Variants in TBC1D16 observed in about 807,000 individuals in gnomAD.
TBC1D16 encodes the protein TBC1 domain family member 16.
A neutral mutation model predicts 74.7 loss-of-function variants in TBC1D16; 58 were observed. The observed-to-expected ratio is 0.78, with a 90% CI of 0.63 to 0.97. The LOEUF is 0.97. TBC1D16 is among the 50% of genes least tolerant of loss of function. TBC1D16 has a pLI of 0.00. For missense variants in TBC1D16, 1,014 were observed against 1,079.5 expected, an observed-to-expected ratio of 0.94 and a Z score of 0.85; for synonymous variants, 493 against 474.7, an observed-to-expected ratio of 1.04 and a Z score of -0.50.
chr17:80,017,642 T>C (rs111440321), intron 1 of TBC1D16, among the ~76,000 whole-genome samples: 13,296 of 140,442 alleles, frequency 0.095, 617 homozygotes, highest in African/African-American at 0.11. Context: ...GATCGCTCCA[T>C]TGCACTCCAG....
At chr17:80,006,847 G>A (rs2144638884) in intron 3 of TBC1D16, among the ~76,000 whole-genome samples, 1 of 152,184 alleles carries the variant, frequency 6.6e-6, no homozygotes, top group African/African-American at 2.4e-5. Context: ...TTTTTATAGA[G>A]ATGAGGTTTT....
At chr17:79,970,555 C>G (rs752573302) in intron 3 of TBC1D16, among the ~76,000 whole-genome samples, 102 of 152,302 alleles carry the variant, frequency 6.7e-4, no homozygotes, top group Non-Finnish European at 1.1e-3. Flanking sequence ...CTGGGTGTCC[C>G]CCACCCTCTC....
chr17:79,978,976 T>C (rs1337552656), intron 3 of TBC1D16, among the ~76,000 whole-genome samples: 1 of 152,246 alleles, frequency 6.6e-6, no homozygotes, highest in Non-Finnish European at 1.5e-5. Flanking sequence ...GAAATACACA[T>C]TACTGGGAAG....
chr17:79,986,815 C>T lies in TBC1D16; in HGVS notation c.779+23345G>A, dbSNP rs139642321. ...GAGATGACACCTCCGATCAGGTCCACGGGAAGATGGGGGTGAACGAGAAGC... is the reference window on the plus strand; with the variant it reads ...GAGATGACACCTCCGATCAGGTCCATGGGAAGATGGGGGTGAACGAGAAGC... On this transcript the variant is annotated intron_variant, in intron 3 of 11. Coordinates refer to ENST00000310924, the MANE Select transcript of TBC1D16 (RefSeq NM_019020.4). The surrounding 1 kb of genome is among the most constrained non-coding windows in gnomAD (Gnocchi z 6.0). 3.3e-3 allele frequency among the ~76,000 whole-genome samples: 504 copies of T among 152,290 alleles called. 5 individuals are homozygous for T. The highest frequency in any genetic ancestry group is 0.012 in the African/African-American group (484 of 41,580).
intron 10 of TBC1D16, among the ~76,000 whole-genome samples, chr17:79,942,850 A>T (rs2032146651): frequency 6.6e-6 from 1 of 152,226 alleles, no homozygotes; most frequent in Non-Finnish European, 1.5e-5. Context: ...CTTTTCGGGC[A>T]TACTTTGAGG....
At chr17:79,947,148 CG>C (rs1195024450) in intron 9 of TBC1D16, among the ~76,000 whole-genome samples, 1 of 152,090 alleles carries the variant, frequency 6.6e-6, no homozygotes, top group African/African-American at 2.4e-5. Context: ...GAGGCCTTGA[CG>C]GGAGAGGTGT....
intron 9 of TBC1D16, among the ~76,000 whole-genome samples, chr17:79,946,068 G>A (rs968791117): frequency 6.6e-6 from 1 of 152,214 alleles, no homozygotes; most frequent in Non-Finnish European, 1.5e-5. Flanking sequence ...CCCTGCTTGG[G>A]CTCCTTTGCC....
intron 3 of TBC1D16, among the ~76,000 whole-genome samples, chr17:79,976,104 A>G (rs1322936296): frequency 6.6e-6 from 1 of 152,184 alleles, no homozygotes; most frequent in Non-Finnish European, 1.5e-5. Context: ...ACCCTTGTCT[A>G]GGCAAACCTG....
rs750656523 is a variant in TBC1D16, at chr17:79,951,507, C to G, written c.1032G>C (p.Lys344Asn). The G allele has an allele frequency of 1.2e-6, 2 of 1,614,100 alleles. No homozygotes were observed. Among genetic ancestry groups the G allele is most frequent in the Non-Finnish European group, 1.7e-6 (2 of 1,179,998 alleles). Residue 344 changes from lysine to asparagine, a missense_variant, in exon 5 of 12, where the codon AAG becomes AAC. By Grantham distance (94) the Lys-to-Asn change is moderately conservative. Coordinates refer to ENST00000310924, the MANE Select transcript of TBC1D16 (RefSeq NM_019020.4). ...TCCACTGCTGGAACACGTCAGACAG[C>G]TTGTCCAGGCCGCCGTGGTGGAAGT... ...VFHFHHGGLD[K>N]LSDVFQQWKY...
chr17:80,027,742 A>C (rs1386752326), intron 1 of TBC1D16, among the ~76,000 whole-genome samples: 1 of 151,826 alleles, frequency 6.6e-6, no homozygotes, highest in African/African-American at 2.4e-5. Flanking sequence ...AAATACAAAA[A>C]CTAGCTGGGC....
rs2034096718 is a variant in TBC1D16 at position 79,971,385 on chromosome 17, G to T, written c.780-18567C>A. Among the ~76,000 whole-genome samples, 1 of 152,286 alleles carries T rather than the reference G, an allele frequency of 6.6e-6. No homozygotes were observed. Among genetic ancestry groups the T allele is most frequent in the East Asian group, 1.9e-4 (1 of 5,180 alleles). ...AAGTGGTAAATAAATTCACGTTGTG[G>T]TTAAAAATTTTAAAAAGACTGAAGT... On this transcript the variant is annotated intron_variant, in intron 3 of 11. Coordinates refer to ENST00000310924, the MANE Select transcript of TBC1D16 (RefSeq NM_019020.4). The surrounding 1 kb of genome is among the most constrained non-coding windows in gnomAD (Gnocchi z 4.6).
At position 79,954,572 on chromosome 17, in the gene TBC1D16, C is replaced by G. The variant is rs542617567; in HGVS notation, c.780-1754G>C. ...TGCGCCGCGGACGGGCCCAGAAGAC[C>G]GAGGGCTCCTGACATCTTCCCAAGT... is the stretch of plus-strand genomic sequence containing the variant. On this transcript the variant is annotated intron_variant, in intron 3 of 11. Coordinates refer to ENST00000310924, the MANE Select transcript of TBC1D16 (RefSeq NM_019020.4). The surrounding 1 kb of genome is among the most constrained non-coding windows in gnomAD (Gnocchi z 5.5). Among the ~76,000 whole-genome samples the G allele has an allele frequency of 6.6e-6, 1 of 152,182 alleles. No individual in the cohort carries two copies. The highest frequency in any genetic ancestry group is 2.4e-5 in the African/African-American group (1 of 41,460).
rs1315681574 is a variant in TBC1D16 at position 79,952,719 on chromosome 17, C to CTT, written c.878_879insAA (p.Gln294SerfsTer113). On this transcript the variant is annotated frameshift_variant, in exon 4 of 12. Coordinates refer to ENST00000310924, the MANE Select transcript of TBC1D16 (RefSeq NM_019020.4). LOFTEE classifies it high-confidence loss of function. ...CCACGCGGAACACGCCGCAAATCTG[C>CTT]TCCAGGGCGCACACCCGCTGCGGCT... is the stretch of plus-strand genomic sequence containing the variant. 6.2e-7 allele frequency: 1 copy of CTT among 1,612,372 alleles called. No individual in the cohort carries two copies. Among genetic ancestry groups the CTT allele is most frequent in the Non-Finnish European group, 8.5e-7 (1 of 1,179,264 alleles).
intron 2 of TBC1D16, among the ~76,000 whole-genome samples, chr17:80,011,609 G>A (rs560994994): frequency 6.6e-5 from 10 of 152,258 alleles, no homozygotes; most frequent in Non-Finnish European, 1.3e-4. Flanking sequence ...GGTGGATCAC[G>A]AGGTCAGGAG....
chr17:80,029,232 C>T (rs528238391), intron 1 of TBC1D16, among the ~76,000 whole-genome samples: 2 of 152,156 alleles, frequency 1.3e-5, no homozygotes, highest in East Asian at 3.9e-4. Context: ...TTTGAGGGGG[C>T]TGGAGTAGGG....
rs946893808 is a variant in TBC1D16, at chr17:79,944,960, A to G, written c.1856T>C (p.Phe619Ser). 6.4e-7 allele frequency: 1 copy of G among 1,557,250 alleles called. No homozygotes were observed. The highest frequency in any genetic ancestry group is 1.4e-5 in the African/African-American group (1 of 73,706). ...RWLLLCFKRE[F>S]PEAEALRIWE... ...GATCCGCAGCGCTTCGGCCTCGGGG[A>G]ACTCCCGCTTGAAGCACAGAAGGAG... The change falls in exon 10 of 12, where the codon TTC (phenylalanine) becomes TCC (serine). Residue 619 changes from phenylalanine (F) to serine (S), a missense_variant. Coordinates refer to ENST00000310924, the MANE Select transcript of TBC1D16 (RefSeq NM_019020.4). This position sits in a 1 kb window ranked among gnomAD's most constrained non-coding sequence, Gnocchi z 7.7.
rs1360983763 is a variant in TBC1D16 at position 79,983,372 on chromosome 17, G to A, written c.779+26788C>T. ...CCAGGGGCCCCTCGGAGGGGCTCCT[G>A]TCCCTCTGCACCAAAGGTGTGCACA... On this transcript the variant is annotated intron_variant, in intron 3 of 11. Coordinates refer to ENST00000310924, the MANE Select transcript of TBC1D16 (RefSeq NM_019020.4). The surrounding 1 kb of genome is among the most constrained non-coding windows in gnomAD (Gnocchi z 5.6). Among the ~76,000 whole-genome samples, 1 of 152,204 alleles carries A rather than the reference G, an allele frequency of 6.6e-6. No homozygotes were observed. The highest frequency in any genetic ancestry group is 1.5e-5 in the Non-Finnish European group (1 of 68,032).
At chr17:79,998,567 G>A (rs931880096) in intron 3 of TBC1D16, among the ~76,000 whole-genome samples, 22 of 148,114 alleles carry the variant, frequency 1.5e-4, no homozygotes, top group Admixed American at 9.5e-4. Flanking sequence ...GCCCAGGCTG[G>A]TCTCCTGAGC....
chr17:80,015,795 G>C (rs2036066075), intron 1 of TBC1D16, among the ~76,000 whole-genome samples: 2 of 152,104 alleles, frequency 1.3e-5, no homozygotes, highest in Admixed American at 6.6e-5. Flanking sequence ...CGGATCACCT[G>C]AGGTCAGGAG....
Sources: allele counts gnomAD v4.1 joint callset (sites outside exome capture counted in the v4.1 genomes callset), GRCh38; gene constraint gnomAD v4.1.1; non-coding constraint Gnocchi (gnomAD v3.1); transcripts MANE v1.5; gene names NCBI Gene and HGNC (gene_info 2026-07-23, HGNC 2026-07-21).